TCF20: variants seen among roughly 807,000 people sequenced by gnomAD.
TCF20 encodes the protein transcription factor 20, also known as SPRE-binding protein.
TCF20 carries 3 observed loss-of-function variants against 148.6 expected under a neutral mutation model. The ratio of observed to expected loss-of-function variants is 0.02; its 90% confidence interval spans 0.01 to 0.05. The LOEUF is 0.05. TCF20 is among the 10% of genes least tolerant of loss of function. The pLI is 1.00. For missense variants in TCF20, 2,350 were observed against 2,429.3 expected (o/e 0.97, Z 0.69); for synonymous variants, 1,049 against 909.5 (o/e 1.15, Z -2.76).
chr22:42,178,125 A>G (rs574538537), intron 3 of TCF20, among the ~76,000 whole-genome samples: 1 of 152,324 alleles, frequency 6.6e-6, no homozygotes, highest in Non-Finnish European at 1.5e-5. Context: ...AAGGTGCCTC[A>G]GGGGTGGTGC....
At chr22:42,185,496 G>C (rs148794642) in intron 2 of TCF20, among the ~76,000 whole-genome samples, 15 of 152,088 alleles carry the variant, frequency 9.9e-5, no homozygotes, top group African/African-American at 3.6e-4. Context: ...TGTGGAACAA[G>C]GTATGTGTTC....
At position 42,214,349 on chromosome 22, in the gene TCF20, C is replaced by T. The variant is rs1569153054; in HGVS notation, c.957G>A (p.Gln319=). The T allele has an allele frequency of 1.2e-6, 2 of 1,614,224 alleles. No individual in the cohort carries two copies. The highest frequency in any genetic ancestry group is 1.7e-6 in the Non-Finnish European group (2 of 1,180,044). Residue 319 remains glutamine (Q), a synonymous_variant, in exon 2 of 6, where the codon CAG becomes CAA. Coordinates refer to ENST00000677622, the MANE Select transcript of TCF20 (RefSeq NM_001378418.1). Reference sequence around the variant, plus strand: ...CATGCTGAGAAGGGTGTTGTTGTTGCTGCGGTTGCTGCTGCTGCTGCCCCT... The same window carrying T: ...CATGCTGAGAAGGGTGTTGTTGTTGTTGCGGTTGCTGCTGCTGCTGCCCCT... ...TQQGQQQQQP[Q]QQQHPSQHVM... is the part of the protein sequence containing the mutation.
In TCF20 at chr22:42,243,292, C is replaced by CAAAAAAAAAAAAAAAAAAAAAAAAAA. The variant is rs3045578; in HGVS notation, c.-37+27021_-37+27046dup. Among the ~76,000 whole-genome samples the CAAAAAAAAAAAAAAAAAAAAAAAAAA allele has an allele frequency of 2.5e-4, 10 of 39,502 alleles. 3 individuals carry two copies. Among genetic ancestry groups the CAAAAAAAAAAAAAAAAAAAAAAAAAA allele is most frequent in the African/African-American group, 8.5e-4 (10 of 11,758 alleles). The allele number at this position is 39,502 out of a possible 152,430, so 25.9% of individuals were successfully genotyped here. Reference sequence around the variant, plus strand: ...TGGCTGGCAGAGCAAGACACTGTCTCAAAAAAAAAAAAAAAAAAAAAAAAA... The same window carrying CAAAAAAAAAAAAAAAAAAAAAAAAAA: ...TGGCTGGCAGAGCAAGACACTGTCTCAAAAAAAAAAAAAAAAAAAAAAAAAAAAAAAAAAAAAAAAAAAAAAAAAAA... On this transcript the variant is annotated intron_variant, in intron 1 of 5. Coordinates refer to ENST00000677622, the MANE Select transcript of TCF20 (RefSeq NM_001378418.1).
At chr22:42,205,532 T>TA (rs542470518) in intron 2 of TCF20, among the ~76,000 whole-genome samples, 169 of 152,350 alleles carry the variant, frequency 1.1e-3, no homozygotes, top group African/African-American at 3.8e-3. Flanking sequence ...GCATGCTCAT[T>TA]AAGCAAGACC....
In TCF20 at chr22:42,299,854, G is replaced by A. The variant is rs1370674619; in HGVS notation, c.-37+43625C>T. Among the ~76,000 whole-genome samples, 1 of 151,306 alleles carries A rather than the reference G, an allele frequency of 6.6e-6. No individual in the cohort carries two copies. Among genetic ancestry groups the A allele is most frequent in the Non-Finnish European group, 1.5e-5 (1 of 67,770 alleles). On this transcript the variant is annotated intron_variant, in intron 1 of 1. Coordinates refer to the TCF20 transcript ENST00000515426. This position sits in a 1 kb window ranked among gnomAD's most constrained non-coding sequence, Gnocchi z 4.1. ...AAGGGGGAGAAGGAAGCGGAGGGGA[G>A]GAGGGAGGAGGGAAAAGACAGAAAG...
At chr22:42,254,959 CAAAAAAA>C (rs10625678) in intron 1 of TCF20, among the ~76,000 whole-genome samples, 1 of 62,822 alleles carries the variant, frequency 1.6e-5, no homozygotes, top group Admixed American at 2.1e-4. Context: ...GACTCCGTCT[CAAAAAAA>C]AAAAAAAAAA....
Position 42,213,512 on chromosome 22 carries a change from C to T in TCF20, c.1794G>A (p.Lys598=). The T allele has an allele frequency of 2.5e-6, 4 of 1,614,202 alleles. No homozygotes were observed. Among genetic ancestry groups the T allele is most frequent in the Non-Finnish European group, 2.5e-6 (3 of 1,180,048 alleles). ...DMPLSSDGNP[K]VNEKTVGVIV... ...TCACCCCAACAGTCTTCTCATTAAC[C>T]TTTGGGTTCCCGTCGGATGACAATG... The change falls in exon 2 of 6, where the codon AAG becomes AAA. Residue 598 remains lysine (K), a synonymous_variant. Transcript: ENST00000677622.
chr22:42,213,129 T>C lies in TCF20; in HGVS notation c.2177A>G (p.Gln726Arg). Residue 726 changes from glutamine (Q) to arginine (R), a missense_variant, in exon 2 of 6, where the codon CAG (glutamine) becomes CGG (arginine). Around this residue, in one of 7 missense-constraint regions of TCF20, gnomAD observed 1,641 missense variants for 1,662.6 expected, o/e 0.99. Coordinates refer to ENST00000677622, the MANE Select transcript of TCF20 (RefSeq NM_001378418.1). ...AVPRNVSGFP[Q>R]YPTGQEKGDF... ...TCCCTTTTCTTGCCCTGTAGGATAC[T>C]GAGGAAAGCCACTGACATTTCGTGG... 2 of 1,614,210 alleles carry C rather than the reference T, an allele frequency of 1.2e-6. No homozygotes were observed. The highest frequency in any genetic ancestry group is 1.7e-6 in the Non-Finnish European group (2 of 1,180,036).
intron 1 of TCF20, among the ~76,000 whole-genome samples, chr22:42,324,932 C>T (rs1445155696): frequency 1.3e-5 from 2 of 152,220 alleles, no homozygotes; most frequent in Non-Finnish European, 2.9e-5. Context: ...TGAAGAGAGG[C>T]CAGAAGAAGC....
intron 1 of TCF20, among the ~76,000 whole-genome samples, chr22:42,220,507 C>T (rs117749753): frequency 0.011 from 1,702 of 152,236 alleles, 17 homozygotes; most frequent in Non-Finnish European, 0.019. Flanking sequence ...ATTTTTTCAT[C>T]CTCTGTCATG....
At chr22:42,332,337 A>G (rs1927991008) in intron 1 of TCF20, among the ~76,000 whole-genome samples, 1 of 152,110 alleles carries the variant, frequency 6.6e-6, no homozygotes, top group South Asian at 2.1e-4. Flanking sequence ...AGGTCCCTCT[A>G]TGTGGCTGGA....
upstream of TCF20, among the ~76,000 whole-genome samples, chr22:42,285,435 G>A (rs892268502): frequency 4.0e-5 from 6 of 151,768 alleles, no homozygotes; most frequent in Non-Finnish European, 5.9e-5. This position sits in a 1 kb window ranked among gnomAD's most constrained non-coding sequence, Gnocchi z 4.2. Context: ...GACCCCCTCC[G>A]AGCAGCGCAC....
chr22:42,339,408 T>C (rs192162341), intron 1 of TCF20, among the ~76,000 whole-genome samples: 59 of 152,270 alleles, frequency 3.9e-4, no homozygotes, highest in African/African-American at 1.3e-3. Context: ...CAGGGCACAG[T>C]GGGTACCTGG....
At chr22:42,281,459 G>A (rs1206161838) in intron 1 of TCF20, among the ~76,000 whole-genome samples, 4 of 152,116 alleles carry the variant, frequency 2.6e-5, no homozygotes. Context: ...TTCCACTGTC[G>A]CCGCCTCTCC....
intron 1 of TCF20, among the ~76,000 whole-genome samples, chr22:42,298,509 GACCATCCTGCC>G (rs1927274931): frequency 6.6e-6 from 1 of 152,228 alleles, no homozygotes; most frequent in African/African-American, 2.4e-5. Context: ...TATCACTGAA[GACCATCCTGCC>G]CAGAACCCCG....
intron 1 of TCF20, among the ~76,000 whole-genome samples, chr22:42,249,469 T>C (rs543227418): frequency 6.6e-6 from 1 of 152,286 alleles, no homozygotes; most frequent in East Asian, 1.9e-4. Context: ...ACAGCACAAT[T>C]GAAGAGATCT....
intron 5 of TCF20, among the ~76,000 whole-genome samples, chr22:42,162,091 G>C (rs1229702867): frequency 7.4e-6 from 1 of 135,920 alleles, no homozygotes; most frequent in East Asian, 2.2e-4. Context: ...AGTGATTCTT[G>C]TGCCTCAGCC....
intron 2 of TCF20, among the ~76,000 whole-genome samples, chr22:42,198,108 G>A (rs530018294): frequency 3.3e-5 from 5 of 151,920 alleles, no homozygotes; most frequent in South Asian, 2.1e-4. Context: ...ATAAAAGTGC[G>A]GTACTTGAAT....
Position 42,194,127 on chromosome 22 carries a change from G to T in TCF20, c.5656-14425C>A, listed in dbSNP as rs1937477624. 2.0e-5 allele frequency among the ~76,000 whole-genome samples: 3 copies of T among 152,174 alleles called. No individual in the cohort carries two copies. In the South Asian group the frequency reaches 6.2e-4, roughly 31 times the overall value. ...AGCTCCTTGGGGGTCCGTGGGAAAA[G>T]TGAGTCTTTATGTGGCTGGATCATT... On this transcript the variant is annotated intron_variant, in intron 2 of 5. Coordinates refer to ENST00000677622, the MANE Select transcript of TCF20 (RefSeq NM_001378418.1).
Sources: gnomAD v4.1 joint callset for allele counts (sites outside exome capture counted in the v4.1 genomes callset) on GRCh38, gnomAD v4.1.1 for gene constraint, gnomAD v4.1.1 regional missense constraint, Gnocchi (gnomAD v3.1) non-coding constraint, MANE v1.5 for transcripts, NCBI Gene and HGNC (gene_info 2026-07-23, HGNC 2026-07-21) for gene names.